RAD17: variants seen among roughly 807,000 people sequenced by gnomAD.
The protein encoded by RAD17 is cell cycle checkpoint protein RAD17.
In RAD17, 31 loss-of-function variants were observed where a neutral mutation model predicts 81.5. The observed-to-expected ratio is 0.38, with a 90% CI of 0.29 to 0.51. The LOEUF is 0.51. Among genes scored for constraint, RAD17 ranks in the 20% least tolerant of loss-of-function variants. The probability of loss-of-function intolerance (pLI) is 0.88; values close to 1 mark genes in which losing one functional copy is unlikely to be tolerated. For missense variants in RAD17, 681 were observed against 781.2 expected, an observed-to-expected ratio of 0.87 and a Z score of 1.53; for synonymous variants, 261 against 266.2, an observed-to-expected ratio of 0.98 and a Z score of 0.19.
Position 69,384,885 on chromosome 5 carries a change from A to G in RAD17, c.597A>G (p.Gln199=). The G allele has an allele frequency of 1.2e-6, 2 of 1,613,172 alleles. No homozygotes were observed. The highest frequency in any genetic ancestry group is 1.7e-6 in the Non-Finnish European group (2 of 1,179,338). Reference sequence around the variant, plus strand: ...GAGCGACAAAGTATAACAAGTTACAAATGCTTGGAGATGATCTGAGAACTG... The same window carrying G: ...GAGCGACAAAGTATAACAAGTTACAGATGCTTGGAGATGATCTGAGAACTG... ...LLRATKYNKL[Q]MLGDDLRTDK... is the part of the protein sequence containing the mutation. The change falls in exon 8 of 19, where the codon CAA becomes CAG. Residue 199 remains glutamine (Q), a synonymous_variant. Transcript: ENST00000354868.
At position 69,409,103 on chromosome 5, in the gene RAD17, T is replaced by G. The variant is rs7380710; in HGVS notation, c.1694-1390T>G. ...TAAAGTGAGTTCCTTTGGGGAAGGC[T>G]TCGGAGCTTTTTCCTACGGACTGCC... On this transcript the variant is annotated intron_variant, in intron 17 of 18. Coordinates refer to ENST00000354868, the MANE Select transcript of RAD17 (RefSeq NM_133338.3). Among the ~76,000 whole-genome samples, 146 of 152,232 alleles carry G rather than the reference T, an allele frequency of 9.6e-4. 2 individuals are homozygous for G. The East Asian group carries it at 0.025, about 26-fold the overall frequency.
At chr5:69,405,613 G>A (rs1765547636) in intron 17 of RAD17, among the ~76,000 whole-genome samples, 1 of 151,866 alleles carries the variant, frequency 6.6e-6, no homozygotes, top group Non-Finnish European at 1.5e-5. Context: ...GTTGCAGTGA[G>A]CCACGATCAC....
intron 13 of RAD17, chr5:69,392,859 A>T (rs939893473): frequency 4.3e-6 from 2 of 465,054 alleles, no homozygotes; most frequent in African/African-American, 4.0e-5. Context: ...GAGATGAGAA[A>T]TCAAGGGAAG....
chr5:69,405,076 C>G (rs750511968), intron 17 of RAD17, among the ~76,000 whole-genome samples: 3 of 152,128 alleles, frequency 2.0e-5, no homozygotes, highest in Admixed American at 1.3e-4. Flanking sequence ...CATATTACAC[C>G]AGTTAGAATG....
chr5:69,373,684 AAATTTTTTTTTTTTTTTTTTTT>A (rs1763151873), intron 4 of RAD17, 124 bp from the exon 5 acceptor site: 1 of 491,548 alleles, frequency 2.0e-6, no homozygotes, highest in African/African-American at 3.3e-5. Context: ...GGTCTCAAAA[AAATTTTTTTTTTTTTTTTTTTT>A]TTTTTTTTTT....
intron 13 of RAD17, among the ~76,000 whole-genome samples, chr5:69,392,478 C>G (rs1330091586): frequency 6.6e-6 from 1 of 152,290 alleles, no homozygotes; most frequent in Non-Finnish European, 1.5e-5. Context: ...TTGATGACTG[C>G]TCCCCCTCAG....
intron 17 of RAD17, among the ~76,000 whole-genome samples, chr5:69,402,064 T>G (rs1242326529): frequency 2.0e-5 from 3 of 150,878 alleles, no homozygotes; most frequent in African/African-American, 7.3e-5. Context: ...TTTTTTTTTT[T>G]GAGATGGAGT....
chr5:69,387,424 T>G (rs1473311892), intron 11 of RAD17, among the ~76,000 whole-genome samples: 1 of 152,150 alleles, frequency 6.6e-6, no homozygotes, highest in Non-Finnish European at 1.5e-5. Context: ...GGAGAGGTTG[T>G]TTTGAGGATT....
intron 18 of RAD17, among the ~76,000 whole-genome samples, chr5:69,411,052 A>G (rs1765964060): frequency 6.8e-6 from 1 of 147,240 alleles, no homozygotes; most frequent in African/African-American, 2.5e-5. Context: ...TTAACACAAA[A>G]CTTATATTTC....
chr5:69,389,890 C>T lies in RAD17; in HGVS notation c.1006+745C>T, dbSNP rs1003034532. 2.0e-5 allele frequency among the ~76,000 whole-genome samples: 3 copies of T among 152,144 alleles called. No homozygotes were observed. The South Asian group carries it at 6.2e-4, about 31-fold the overall frequency. The stretch of plus-strand genomic sequence containing the variant: ...TGACCTCGTGATCCGCCCGCCTCGG[C>T]CTCCCAAAGTGCTGGGATTATAGGT... On this transcript the variant is annotated intron_variant, in intron 12 of 18. Coordinates refer to ENST00000354868, the MANE Select transcript of RAD17 (RefSeq NM_133338.3).
At position 69,396,497 on chromosome 5, in the gene RAD17, C is replaced by G. The variant is rs199918970; in HGVS notation, c.1523C>G (p.Ser508Ter). The part of the protein sequence containing the change: ...RGYAHCQGGG[S>*]SFRPLHKPQW... ...TATGCTCATTGCCAAGGAGGAGGAT[C>G]AAGTTTTCGACCCTTGCACAAACCT... Residue 508 changes from serine (S) to a stop codon, truncating the protein, a stop_gained, in exon 16 of 19, where the codon TCA (serine) becomes TGA (stop). Coordinates refer to ENST00000354868, the MANE Select transcript of RAD17 (RefSeq NM_133338.3). LOFTEE classifies it high-confidence loss of function. 1.2e-6 allele frequency: 2 copies of G among 1,606,578 alleles called. No individual in the cohort carries two copies. Among genetic ancestry groups the G allele is most frequent in the South Asian group, 2.2e-5 (2 of 90,716 alleles).
At chr5:69,404,503 C>T (rs780643614) in intron 17 of RAD17, among the ~76,000 whole-genome samples, 12 of 151,690 alleles carry the variant, frequency 7.9e-5, no homozygotes, top group Non-Finnish European at 1.3e-4. Context: ...CACGGTGGCT[C>T]ACGCCTGTAA....
In RAD17 at chr5:69,386,442, A is replaced by T. The variant is rs759176419; in HGVS notation, c.871A>T (p.Ile291Leu). ...AATTATGATGAAATTTCTTAATCGAATAGTGACTATAGAAGCTAACAAGGT... is the reference window on the plus strand; with the variant it reads ...AATTATGATGAAATTTCTTAATCGATTAGTGACTATAGAAGCTAACAAGGT... The part of the protein sequence containing the change: ...PTIMMKFLNR[I>L]VTIEANKNGG... Residue 291 changes from isoleucine (I) to leucine (L), a missense_variant, in exon 11 of 19, where the codon ATA becomes TTA. Transcript: ENST00000354868. The T allele has an allele frequency of 6.2e-7, 1 of 1,600,014 alleles. No homozygotes were observed. Among genetic ancestry groups the T allele is most frequent in the Non-Finnish European group, 8.5e-7 (1 of 1,174,914 alleles).
intron 16 of RAD17, among the ~76,000 whole-genome samples, chr5:69,398,417 T>TA (rs1765037210): frequency 6.6e-6 from 1 of 152,130 alleles, no homozygotes; most frequent in African/African-American, 2.4e-5. Flanking sequence ...TATTTAGAGG[T>TA]AAAAAATGGG....
chr5:69,369,536 G>A, upstream of RAD17: 1 of 1,611,202 alleles, frequency 6.2e-7, no homozygotes, highest in Non-Finnish European at 8.5e-7. Context: ...CGTGCCCTTT[G>A]CTCTACAGGG....
intron 7 of RAD17, 56 bp from the exon 8 acceptor site, chr5:69,384,741 T>C: frequency 6.7e-7 from 1 of 1,488,476 alleles, no homozygotes; most frequent in Admixed American, 1.9e-5. Flanking sequence ...TACAGATGTA[T>C]AATATTAATG....
At chr5:69,371,873 AT>A (rs1246630254) in intron 3 of RAD17, among the ~76,000 whole-genome samples, 160 bp from the exon 4 acceptor site, 3 of 152,192 alleles carry the variant, frequency 2.0e-5, no homozygotes. Flanking sequence ...AAGTAATGTA[AT>A]TCAGTGTGTG....
intron 17 of RAD17, among the ~76,000 whole-genome samples, chr5:69,400,372 C>G (rs1467489577): frequency 6.6e-6 from 1 of 151,882 alleles, no homozygotes; most frequent in Non-Finnish European, 1.5e-5. Context: ...CACGCGCCCC[C>G]ACACCTGGCT....
rs1346275040 is a variant in RAD17, at chr5:69,414,488, T to C, written c.*196T>C. 5 of 698,170 alleles carry C rather than the reference T, an allele frequency of 7.2e-6. No individual in the cohort carries two copies. The highest frequency in any genetic ancestry group is 1.2e-5 in the Non-Finnish European group (5 of 432,474). 43.2% of individuals were successfully genotyped at this position (698,170 alleles called of 1,614,324 possible). On this transcript the variant is annotated 3_prime_UTR_variant, in exon 19 of 19. Coordinates refer to ENST00000354868, the MANE Select transcript of RAD17 (RefSeq NM_133338.3). Reference sequence around the variant, plus strand: ...ATAGAAGATCAAGCCTTCAAATCTCTTAATTTTTTCGGTATTTATTAAATC... The same window carrying C: ...ATAGAAGATCAAGCCTTCAAATCTCCTAATTTTTTCGGTATTTATTAAATC...
Sources: gnomAD v4.1 joint callset for allele counts (sites outside exome capture counted in the v4.1 genomes callset) on GRCh38, gnomAD v4.1.1 for gene constraint, MANE v1.5 for transcripts, NCBI Gene and HGNC (gene_info 2026-07-23, HGNC 2026-07-21) for gene names.